RNF150: variants seen among roughly 807,000 people sequenced by gnomAD.
The protein encoded by RNF150 is ring finger protein 150.
In RNF150, 24 loss-of-function variants were observed where a neutral mutation model predicts 39.3. That is an observed-to-expected ratio of 0.61 (90% CI 0.44 to 0.86). RNF150 has a LOEUF of 0.86. Among genes scored for constraint, RNF150 ranks in the 40% least tolerant of loss-of-function variants. The pLI is 0.00. For missense variants in RNF150, 502 were observed against 587.8 expected (o/e 0.85, Z 1.51); for synonymous variants, 255 against 227.3 (o/e 1.12, Z -1.10).
At chr4:141,051,547 G>C (rs77073144) in intron 1 of RNF150, among the ~76,000 whole-genome samples, 8,173 of 152,194 alleles carry the variant, frequency 0.054, 282 homozygotes, top group East Asian at 0.16. Flanking sequence ...TCTCTGTCAA[G>C]TTCAAAGTTC....
At chr4:140,965,314 A>C (rs1733195234) in intron 2 of RNF150, among the ~76,000 whole-genome samples, 2 of 152,036 alleles carry the variant, frequency 1.3e-5, no homozygotes, top group Admixed American at 1.3e-4. Flanking sequence ...CACAGCCATT[A>C]GGGGAAACGG....
intron 1 of RNF150, among the ~76,000 whole-genome samples, chr4:141,207,510 G>A: frequency 6.6e-6 from 1 of 152,082 alleles, no homozygotes; most frequent in Non-Finnish European, 1.5e-5. Context: ...TGAGCCCCTG[G>A]ATGACAGTCA....
chr4:140,930,052 T>C (rs1409342940), intron 4 of RNF150, among the ~76,000 whole-genome samples: 1 of 152,122 alleles, frequency 6.6e-6, no homozygotes, highest in Non-Finnish European at 1.5e-5. Flanking sequence ...TTCCAGCTAC[T>C]TGGGAGGCTG....
chr4:140,889,042 GTTT>G (rs113030164), intron 6 of RNF150, among the ~76,000 whole-genome samples: 2 of 145,474 alleles, frequency 1.4e-5, no homozygotes, highest in Non-Finnish European at 3.0e-5. Context: ...TAAACAGTTT[GTTT>G]TTTTTTTTAA....
At chr4:141,192,993 G>A (rs533992216) in intron 1 of RNF150, among the ~76,000 whole-genome samples, 1 of 152,244 alleles carries the variant, frequency 6.6e-6, no homozygotes, top group East Asian at 1.9e-4. Context: ...CTCTTCATAA[G>A]ACCTGTCTTG....
intron 1 of RNF150, among the ~76,000 whole-genome samples, chr4:141,212,384 C>T (rs1451769607): frequency 6.6e-6 from 1 of 152,156 alleles, no homozygotes; most frequent in Non-Finnish European, 1.5e-5. Context: ...ATTCTTGAGC[C>T]TCTTCAGCTT....
chr4:141,082,779 G>A (rs1161210731), intron 1 of RNF150, among the ~76,000 whole-genome samples: 3 of 151,742 alleles, frequency 2.0e-5, no homozygotes, highest in Non-Finnish European at 1.5e-5. Flanking sequence ...TAGTAGAGAC[G>A]GGGTTTCACC....
At chr4:140,934,097 G>A (rs551413947) in intron 4 of RNF150, among the ~76,000 whole-genome samples, 23 of 152,206 alleles carry the variant, frequency 1.5e-4, no homozygotes, top group East Asian at 1.9e-4. Context: ...TGCCACCTCC[G>A]CCTCCCAGGT....
intron 1 of RNF150, among the ~76,000 whole-genome samples, chr4:141,005,138 CAGATGGT>C (rs555433563): frequency 6.6e-6 from 1 of 152,144 alleles, no homozygotes; most frequent in Non-Finnish European, 1.5e-5. Context: ...CCCACTGGGA[CAGATGGT>C]AGAGGAGCCA....
rs374015777 is a variant in RNF150 at position 141,152,940 on chromosome 4, T to A, written c.-6+59854A>T. 2.0e-5 allele frequency among the ~76,000 whole-genome samples: 3 copies of A among 152,286 alleles called. No homozygotes were observed. The East Asian group carries it at 5.8e-4, about 29-fold the overall frequency. On this transcript the variant is annotated intron_variant, in intron 1 of 7. Transcript: ENST00000420921. The stretch of plus-strand genomic sequence containing the variant: ...GTGGTTTGCTGCACCTATCAACCCA[T>A]TACCTAGGTATTAAGCCCCACATGC...
intron 1 of RNF150, among the ~76,000 whole-genome samples, chr4:141,059,571 G>A (rs1437974119): frequency 1.3e-5 from 2 of 151,698 alleles, no homozygotes; most frequent in African/African-American, 4.8e-5. Flanking sequence ...TTTTTTTGCA[G>A]TAATTTCTTT....
chr4:140,869,682 A>G (rs994913764), intron 6 of RNF150, among the ~76,000 whole-genome samples: 1 of 152,234 alleles, frequency 6.6e-6, no homozygotes, highest in Non-Finnish European at 1.5e-5. Context: ...TACTGGGTGC[A>G]ATGTCTAAAC....
At chr4:140,927,688 G>T (rs1457401720) in intron 4 of RNF150, among the ~76,000 whole-genome samples, 3 of 144,676 alleles carry the variant, frequency 2.1e-5, no homozygotes, top group African/African-American at 7.7e-5. Context: ...TTGCTCTGCC[G>T]CCCAGGCTGG....
chr4:140,966,431 C>T (rs192756694), intron 2 of RNF150, among the ~76,000 whole-genome samples: 28 of 152,074 alleles, frequency 1.8e-4, no homozygotes, highest in Non-Finnish European at 3.4e-4. Context: ...CAATGACAAG[C>T]TGAGGGGTGG....
chr4:141,032,010 G>A (rs919111477), intron 1 of RNF150, among the ~76,000 whole-genome samples: 1 of 151,180 alleles, frequency 6.6e-6, no homozygotes, highest in Non-Finnish European at 1.5e-5. Flanking sequence ...TGTAGTATGT[G>A]TATATATGTA....
intron 1 of RNF150, among the ~76,000 whole-genome samples, chr4:140,995,495 A>C (rs963140238): frequency 6.6e-6 from 1 of 152,196 alleles, no homozygotes; most frequent in Admixed American, 6.5e-5. Flanking sequence ...TTGCCATAGA[A>C]AGCGGCAGTA....
Position 141,000,053 on chromosome 4 carries a change from GAA to G in RNF150, c.485-32182_485-32181del, listed in dbSNP as rs1560679310. On this transcript the variant is annotated intron_variant, in intron 1 of 6. Transcript: ENST00000515673. ...AGAAGAAGAAGAAGAAGAAGAAGAA[GAA>G]GAAGAAGAAGAAGAAGAAGAAGAAG... Among the ~76,000 whole-genome samples the G allele has an allele frequency of 2.2e-4, 22 of 98,554 alleles. 3 individuals carry two copies. Among genetic ancestry groups the G allele is most frequent in the African/African-American group, 7.5e-4 (20 of 26,602 alleles). 64.7% of individuals were successfully genotyped at this position (98,554 alleles called of 152,430 possible).
At chr4:140,964,949 GA>G (rs1301800312) in intron 2 of RNF150, among the ~76,000 whole-genome samples, 5 of 151,850 alleles carry the variant, frequency 3.3e-5, no homozygotes, top group African/African-American at 7.3e-5. Flanking sequence ...TACTGCATAT[GA>G]GGGGGGGAGA....
chr4:140,949,624 C>G (rs1424058882), intron 2 of RNF150, among the ~76,000 whole-genome samples: 1 of 151,986 alleles, frequency 6.6e-6, no homozygotes, highest in African/African-American at 2.4e-5. Flanking sequence ...ATGTGACATA[C>G]ATAGATCCTG....
Sources: allele counts gnomAD v4.1 joint callset (sites outside exome capture counted in the v4.1 genomes callset), GRCh38; gene constraint gnomAD v4.1.1; transcripts MANE v1.5; gene names NCBI Gene and HGNC (gene_info 2026-07-23, HGNC 2026-07-21).